Variants in REV1 observed in about 807,000 individuals in gnomAD.
REV1 encodes the protein REV1 DNA directed polymerase, also known as translesion synthesis protein REV1.
A neutral mutation model predicts 137.4 loss-of-function variants in REV1; 42 were observed. The observed-to-expected ratio is 0.31, with a 90% CI of 0.24 to 0.40. The LOEUF is 0.40. Among genes scored for constraint, REV1 ranks in the 10% least tolerant of loss-of-function variants. The pLI, the probability that REV1 is intolerant of heterozygous loss-of-function variation, is 1.00. For missense variants in REV1, 1,282 were observed against 1,490.1 expected (o/e 0.86, Z 2.30); for synonymous variants, 524 against 519.2 (o/e 1.01, Z -0.12).
chr2:99,480,310 A>T (rs937047470), intron 1 of REV1, among the ~76,000 whole-genome samples: 1 of 152,222 alleles, frequency 6.6e-6, no homozygotes, highest in African/African-American at 2.4e-5. Flanking sequence ...ACTATAGAGC[A>T]AGACTCTGCC....
intron 4 of REV1, among the ~76,000 whole-genome samples, chr2:99,447,176 TAGAC>T (rs1295816023): frequency 6.6e-6 from 1 of 151,878 alleles, no homozygotes; most frequent in Non-Finnish European, 1.5e-5. Flanking sequence ...TTTTTTTTTT[TAGAC>T]AGAGTCTCAC....
At chr2:99,468,606 C>A (rs566731903) in intron 1 of REV1, among the ~76,000 whole-genome samples, 2 of 152,210 alleles carry the variant, frequency 1.3e-5, no homozygotes, top group Non-Finnish European at 2.9e-5. Flanking sequence ...TTTAATTCCA[C>A]ATAACTTGAT....
intron 8 of REV1, among the ~76,000 whole-genome samples, chr2:99,430,793 A>C (rs1395595974): frequency 1.3e-5 from 2 of 152,222 alleles, no homozygotes; most frequent in Non-Finnish European, 2.9e-5. Context: ...GAAATAAATT[A>C]AAACACAACT....
At chr2:99,401,473 GGT>G in intron 22 of REV1, 121 bp from the exon 23 acceptor site, 1 of 609,122 alleles carries the variant, frequency 1.6e-6, no homozygotes, top group South Asian at 2.3e-5. Flanking sequence ...GGCCAGGTGC[GGT>G]GTGGCTCATG....
intron 1 of REV1, among the ~76,000 whole-genome samples, chr2:99,487,102 G>A (rs1401635400): frequency 6.6e-6 from 1 of 152,184 alleles, no homozygotes; most frequent in African/African-American, 2.4e-5. Flanking sequence ...AGGAAGGGGT[G>A]GTCCAGCTAA....
chr2:99,463,734 C>T (rs1258391167), intron 2 of REV1, among the ~76,000 whole-genome samples: 1 of 152,078 alleles, frequency 6.6e-6, no homozygotes, highest in South Asian at 2.1e-4. Context: ...AAGCAATTCT[C>T]CTGCCTCAGT....
At chr2:99,429,487 CAATAAA>C (rs1679836835) in intron 9 of REV1, among the ~76,000 whole-genome samples, 1 of 151,786 alleles carries the variant, frequency 6.6e-6, no homozygotes, top group Admixed American at 6.6e-5. Flanking sequence ...TTTTTCTTAG[CAATAAA>C]AACAAAAGAT....
chr2:99,403,905 A>C, intron 18 of REV1, 90 bp from the exon 19 acceptor site: 1 of 1,477,234 alleles, frequency 6.8e-7, no homozygotes, highest in Non-Finnish European at 9.2e-7. Flanking sequence ...TTTGTTTTCA[A>C]ATCTCACTTT....
chr2:99,419,125 T>C (rs985819993), intron 11 of REV1, among the ~76,000 whole-genome samples, 178 bp from the exon 12 acceptor site: 3 of 152,068 alleles, frequency 2.0e-5, no homozygotes, highest in Non-Finnish European at 4.4e-5. Context: ...ACAGAGTACC[T>C]GGACAGAGGT....
chr2:99,425,627 G>A (rs527696718), intron 9 of REV1, among the ~76,000 whole-genome samples: 3 of 152,124 alleles, frequency 2.0e-5, no homozygotes, highest in Non-Finnish European at 4.4e-5. Context: ...TTATCAGAAA[G>A]CAGAAAAAAG....
intron 1 of REV1, among the ~76,000 whole-genome samples, chr2:99,472,894 A>C (rs1229982219): frequency 6.6e-6 from 1 of 152,242 alleles, no homozygotes; most frequent in African/African-American, 2.4e-5. Context: ...TTTATGTAAC[A>C]TTTAGATATA....
rs1405600882 is a variant in REV1 at position 99,424,139 on chromosome 2, T to A, written c.1676+13A>T. ...AAAACACAGACACAAAATGACAGTT[T>A]GATACACTGTACCTTGCCAATGTTT... On this transcript the variant is annotated intron_variant, in intron 10 of 22. Coordinates refer to ENST00000258428, the MANE Select transcript of REV1 (RefSeq NM_016316.4). 1 of 1,611,796 alleles carries A rather than the reference T, an allele frequency of 6.2e-7. No homozygotes were observed. The highest frequency in any genetic ancestry group is 1.1e-5 in the South Asian group (1 of 90,522).
At position 99,449,415 on chromosome 2, in the gene REV1, T is replaced by C; in HGVS notation, c.271A>G (p.Ile91Val). 6.4e-7 allele frequency: 1 copy of C among 1,572,860 alleles called. No homozygotes were observed. Among genetic ancestry groups the C allele is most frequent in the Non-Finnish European group, 8.6e-7 (1 of 1,161,120 alleles). ...TTGGCATTGGGAAGATTTGTGGCAA[T>C]AATATGTGTTGTTTTAGATCTGGAA... ...YYSRSKTTHIIATNLPNAKIK... is the reference protein window; with the variant it reads ...YYSRSKTTHIVATNLPNAKIK... The change falls in exon 4 of 23, where the codon ATT becomes GTT. Residue 91 changes from isoleucine to valine, a missense_variant. By Grantham distance (29) the Ile-to-Val change is conservative. Coordinates refer to ENST00000258428, the MANE Select transcript of REV1 (RefSeq NM_016316.4).
At chr2:99,474,575 A>G (rs912093789) in intron 1 of REV1, among the ~76,000 whole-genome samples, 1 of 152,204 alleles carries the variant, frequency 6.6e-6, no homozygotes, top group Non-Finnish European at 1.5e-5. Flanking sequence ...AGGTCCTACA[A>G]TTAAGCTCCA....
intron 12 of REV1, among the ~76,000 whole-genome samples, chr2:99,416,267 T>C (rs1677840576): frequency 6.6e-6 from 1 of 152,220 alleles, no homozygotes; most frequent in South Asian, 2.1e-4. Context: ...TTAACAAAGA[T>C]AAATAGGTTT....
At position 99,448,220 on chromosome 2, in the gene REV1, G is replaced by GA. The variant is rs1347475784; in HGVS notation, c.350+1115dup. Among the ~76,000 whole-genome samples the GA allele has an allele frequency of 3.3e-5, 5 of 151,910 alleles. No individual in the cohort carries two copies. The East Asian group carries it at 7.7e-4, about 23-fold the overall frequency. On this transcript the variant is annotated intron_variant, in intron 4 of 22. Transcript: ENST00000258428. ...TTATAATTAGTAAAAGCAAGAACTA[G>GA]AAAAAAAATTCAGCAACTGACTTAA...
At chr2:99,452,376 T>G (rs900083963) in intron 3 of REV1, among the ~76,000 whole-genome samples, 2 of 149,852 alleles carry the variant, frequency 1.3e-5, no homozygotes, top group Non-Finnish European at 3.0e-5. Context: ...TAAGCTGAGG[T>G]TGCACCACTG....
chr2:99,439,446 T>C (rs1279931327), intron 5 of REV1, 136 bp from the exon 6 acceptor site: 9 of 539,848 alleles, frequency 1.7e-5, no homozygotes, highest in Middle Eastern at 1.0e-3. Context: ...ATATTGAATA[T>C]TGACAATGAA....
At chr2:99,446,714 T>C (rs1246601937) in intron 4 of REV1, among the ~76,000 whole-genome samples, 2 of 152,010 alleles carry the variant, frequency 1.3e-5, no homozygotes, top group African/African-American at 4.8e-5. Context: ...AGGCTGGTCT[T>C]GAACTCCTGA....
Sources: allele counts gnomAD v4.1 joint callset (sites outside exome capture counted in the v4.1 genomes callset), GRCh38; gene constraint gnomAD v4.1.1; transcripts MANE v1.5; gene names NCBI Gene and HGNC (gene_info 2026-07-23, HGNC 2026-07-21).